The following ARHGAP8 variants were observed in gnomAD, a reference collection of about 807,000 sequenced individuals.
ARHGAP8 encodes the protein Rho GTPase activating protein 8, also known as rho GTPase-activating protein 8.
A neutral mutation model predicts 46.1 loss-of-function variants in ARHGAP8; 62 were observed. The ratio of observed to expected loss-of-function variants is 1.34; its 90% CI spans 1.10 to 1.66. ARHGAP8 has a LOEUF of 1.66. Among genes scored for constraint, ARHGAP8 ranks in the 40% most tolerant of loss-of-function variants. The pLI, the probability that ARHGAP8 is intolerant of heterozygous loss-of-function variation, is 0.00. For missense variants in ARHGAP8, 923 were observed against 568.4 expected, an observed-to-expected ratio of 1.62 and a Z score of -6.34; for synonymous variants, 375 against 243.1, an observed-to-expected ratio of 1.54 and a Z score of -5.05.
chr22:44,754,338 T>TTGTGTGTGTGTGTGTGTGTGTGTG (rs35257490), intron 1 of ARHGAP8, among the ~76,000 whole-genome samples: 2 of 146,624 alleles, frequency 1.4e-5, no homozygotes, highest in African/African-American at 5.1e-5. Flanking sequence ...CATTGAAACT[T>TTGTGTGTGTGTGTGTGTGTGTGTG]TGTGTGTGTG....
At chr22:44,804,564 C>T (rs915702882) in intron 3 of ARHGAP8, among the ~76,000 whole-genome samples, 8 of 152,170 alleles carry the variant, frequency 5.3e-5, no homozygotes, top group African/African-American at 7.2e-5. Flanking sequence ...ACAGGGAGCA[C>T]GGCACCTGGC....
chr22:44,840,062 G>A (rs1230304539), intron 7 of ARHGAP8, among the ~76,000 whole-genome samples: 1 of 152,122 alleles, frequency 6.6e-6, no homozygotes, highest in Non-Finnish European at 1.5e-5. Context: ...CTTCTTCCAG[G>A]GCAGCTCAGG....
In ARHGAP8 at chr22:44,859,928, T is replaced by TG. The variant is rs961417344; in HGVS notation, c.981+98dup. Reference sequence around the variant, plus strand: ...ACCAGTCCCCTCCTTGCCCTGGGTCTGGGGTCATGCCCTGCTTGGGCCTCG... The same window carrying TG: ...ACCAGTCCCCTCCTTGCCCTGGGTCTGGGGGTCATGCCCTGCTTGGGCCTCG... On this transcript the variant is annotated intron_variant, in intron 11 of 11. Coordinates refer to ENST00000356099, the MANE Select transcript of ARHGAP8 (RefSeq NM_181335.3). 7.7e-6 allele frequency: 11 copies of TG among 1,436,558 alleles called. No homozygotes were observed. In the African/African-American group the frequency reaches 1.5e-4, roughly 20 times the overall value. The allele number at this position is 1,436,558 out of a possible 1,614,324, so 89.0% of individuals were successfully genotyped here. A position where few individuals can be genotyped will look rare whatever the true frequency, so the allele number is the denominator to read the frequency against.
intron 9 of ARHGAP8, 124 bp downstream of exon 9, chr22:44,848,174 A>T: frequency 7.3e-7 from 1 of 1,372,534 alleles, no homozygotes; most frequent in East Asian, 2.5e-5. Flanking sequence ...GAAAACACTC[A>T]GGGTGGGGGC....
intron 1 of ARHGAP8, among the ~76,000 whole-genome samples, chr22:44,756,750 C>T (rs1217341666): frequency 2.0e-5 from 3 of 151,878 alleles, no homozygotes; most frequent in Non-Finnish European, 4.4e-5. Context: ...ATTTTTTCCT[C>T]CAGCTTTATT....
intron 3 of ARHGAP8, among the ~76,000 whole-genome samples, chr22:44,804,614 G>A (rs1201538906): frequency 1.3e-5 from 2 of 152,190 alleles, no homozygotes; most frequent in Admixed American, 6.5e-5. Context: ...AGCTCAGGAC[G>A]TGACCCTGGC....
Position 44,859,909 on chromosome 22 carries a change from C to T in ARHGAP8, c.981+75C>T, listed in dbSNP as rs1601534390. 4.0e-6 allele frequency: 6 copies of T among 1,512,510 alleles called. No homozygotes were observed. The South Asian group carries it at 4.9e-5, about 12-fold the overall frequency. The allele number at this position is 1,512,510 out of a possible 1,614,324, so 93.7% of individuals were successfully genotyped here. A position where few individuals can be genotyped will look rare whatever the true frequency, so the allele number is the denominator to read the frequency against. ...CCATGCTGGGCCCGCATGGACCAGT[C>T]CCCTCCTTGCCCTGGGTCTGGGGTC... On this transcript the variant is annotated intron_variant, in intron 11 of 11. Transcript: ENST00000356099.
At chr22:44,820,464 GC>G (rs1341914999) in intron 5 of ARHGAP8, among the ~76,000 whole-genome samples, 1 of 152,168 alleles carries the variant, frequency 6.6e-6, no homozygotes, top group Non-Finnish European at 1.5e-5. Flanking sequence ...GTACTTCACA[GC>G]CCCGGGGACA....
intron 2 of ARHGAP8, among the ~76,000 whole-genome samples, chr22:44,792,617 C>T (rs1569147676): frequency 6.6e-6 from 1 of 152,132 alleles, no homozygotes; most frequent in Non-Finnish European, 1.5e-5. Flanking sequence ...TGTCACTCCC[C>T]ACCAACGCAT....
At chr22:44,842,185 C>T (rs573048432) in intron 7 of ARHGAP8, among the ~76,000 whole-genome samples, 7 of 152,184 alleles carry the variant, frequency 4.6e-5, no homozygotes, top group East Asian at 3.9e-4. Flanking sequence ...GGTGAAACCC[C>T]GTCTCTACTA....
chr22:44,849,285 T>C, intron 10 of ARHGAP8: 2 of 773,782 alleles, frequency 2.6e-6, no homozygotes, highest in Non-Finnish European at 3.9e-6. Context: ...TCGGTCAGGG[T>C]TGTCCAGGCC....
chr22:44,824,607 G>A (rs1930378498), intron 6 of ARHGAP8, among the ~76,000 whole-genome samples: 1 of 150,628 alleles, frequency 6.6e-6, no homozygotes, highest in Admixed American at 6.7e-5. Context: ...AGCACAGAGG[G>A]TCTTTTCTTT....
intron 10 of ARHGAP8, among the ~76,000 whole-genome samples, chr22:44,851,480 C>T (rs1019339114): frequency 6.6e-6 from 1 of 152,012 alleles, no homozygotes; most frequent in African/African-American, 2.4e-5. Flanking sequence ...GGCATAATCT[C>T]GGCACACTGC....
intron 8 of ARHGAP8, among the ~76,000 whole-genome samples, chr22:44,846,815 G>A (rs2069968645): frequency 6.6e-6 from 1 of 152,238 alleles, no homozygotes; most frequent in Admixed American, 6.5e-5. Context: ...ATTCCACCGA[G>A]AGCTGCCCAG....
Position 44,862,765 on chromosome 22 carries a change from T to C in ARHGAP8, c.*170T>C. 1.2e-6 allele frequency: 1 copy of C among 815,366 alleles called. No individual in the cohort carries two copies. Among genetic ancestry groups the C allele is most frequent in the Non-Finnish European group, 1.8e-6 (1 of 549,586 alleles). The allele number at this position is 815,366 out of a possible 1,614,324, so 50.5% of individuals were successfully genotyped here. ...GGACTCTTGTCCATGGTTCCTGAGCTGTGGACCGGGATAGAATAATGCATT... is the reference window on the plus strand; with the variant it reads ...GGACTCTTGTCCATGGTTCCTGAGCCGTGGACCGGGATAGAATAATGCATT... On this transcript the variant is annotated 3_prime_UTR_variant, in exon 12 of 12. Transcript: ENST00000356099.
At chr22:44,856,093 G>T (rs985318159) in intron 10 of ARHGAP8, among the ~76,000 whole-genome samples, 1 of 151,962 alleles carries the variant, frequency 6.6e-6, no homozygotes, top group Non-Finnish European at 1.5e-5. Context: ...CAAAGAGATG[G>T]TGCTAACCAT....
intron 10 of ARHGAP8, among the ~76,000 whole-genome samples, chr22:44,855,814 G>A (rs532104983): frequency 9.3e-4 from 142 of 152,240 alleles, no homozygotes; most frequent in African/African-American, 3.3e-3. Flanking sequence ...GTCAGCTGTC[G>A]CCGAGTCTGT....
chr22:44,757,066 A>G (rs1924741243), intron 1 of ARHGAP8, among the ~76,000 whole-genome samples: 1 of 151,900 alleles, frequency 6.6e-6, no homozygotes, highest in South Asian at 2.1e-4. Flanking sequence ...ACAGGTGCAC[A>G]CCACCCTGCC....
At chr22:44,754,653 C>T (rs1393417372) in intron 1 of ARHGAP8, among the ~76,000 whole-genome samples, 1 of 152,122 alleles carries the variant, frequency 6.6e-6, no homozygotes, top group East Asian at 1.9e-4. Flanking sequence ...GCATGAGCCA[C>T]CACACCCGGC....
Sources: gnomAD v4.1 joint callset for allele counts (sites outside exome capture counted in the v4.1 genomes callset) on GRCh38, gnomAD v4.1.1 for gene constraint, MANE v1.5 for transcripts, NCBI Gene and HGNC (gene_info 2026-07-23, HGNC 2026-07-21) for gene names.